Variants in GAGE12E observed in about 807,000 individuals in gnomAD.
The protein encoded by GAGE12E is G antigen 12B/C/D/E.
chrX:49,557,078 GGTTTGTTT>G (rs1337669372), intron 4 of GAGE12E, among the ~76,000 whole-genome samples: 6 of 40,084 alleles, frequency 1.5e-4, no homozygotes, highest in Admixed American at 4.7e-4. Context: ...CCCTCTTCTT[GGTTTGTTT>G]GTTTGTTTGC....
intron 4 of GAGE12E, among the ~76,000 whole-genome samples, chrX:49,557,455 G>A (rs1557129132): frequency 5.4e-5 from 3 of 55,657 alleles, no homozygotes; most frequent in African/African-American, 1.5e-4. Context: ...GTGCCATGCT[G>A]GTGCGCTGCA....
intron 4 of GAGE12E, among the ~76,000 whole-genome samples, chrX:49,557,223 C>A (rs1953111855): frequency 2.3e-5 from 1 of 43,328 alleles, no homozygotes; most frequent in African/African-American, 6.4e-5. Flanking sequence ...ACTACATGCA[C>A]AAGCCACCGT....
chrX:49,557,459 C>T (rs868935624), intron 4 of GAGE12E, among the ~76,000 whole-genome samples: 833 of 50,694 alleles, frequency 0.016, 40 homozygotes, highest in Non-Finnish European at 0.025. Flanking sequence ...CATGCTGGTG[C>T]GCTGCACCCA....
At chrX:49,557,436 T>C (rs1454933838) in intron 4 of GAGE12E, among the ~76,000 whole-genome samples, 22 of 68,608 alleles carry the variant, frequency 3.2e-4, no homozygotes, top group Admixed American at 7.2e-4. Context: ...TAGTTACATA[T>C]GTATACATGT....
chrX:49,556,884 G>A (rs2066553758), intron 4 of GAGE12E, among the ~76,000 whole-genome samples: 1 of 1,752 alleles, frequency 5.7e-4, no homozygotes, highest in Non-Finnish European at 2.4e-3. Flanking sequence ...GTGGGACACA[G>A]AGATCATCTG....
At chrX:49,557,286 T>A (rs2066555033) in intron 4 of GAGE12E, among the ~76,000 whole-genome samples, 1 of 70,878 alleles carries the variant, frequency 1.4e-5, no homozygotes, top group Admixed American at 1.4e-4. Context: ...TCTCACTGTG[T>A]TGCCCAGGCA....
At chrX:49,557,315 A>G (rs1170063604) in intron 4 of GAGE12E, among the ~76,000 whole-genome samples, 1 of 76,177 alleles carries the variant, frequency 1.3e-5, no homozygotes, top group African/African-American at 3.8e-5. Context: ...CTGGCTTTTA[A>G]TGAACAATTG....
At chrX:49,557,228 C>A (rs1557129085) in intron 4 of GAGE12E, among the ~76,000 whole-genome samples, 8 of 42,386 alleles carry the variant, frequency 1.9e-4, no homozygotes, top group African/African-American at 5.2e-4. Context: ...ATGCACAAGC[C>A]ACCGTGCCTG....
At chrX:49,557,389 C>T (rs1242344215) in intron 4 of GAGE12E, among the ~76,000 whole-genome samples, 6 of 77,732 alleles carry the variant, frequency 7.7e-5, no homozygotes, top group Non-Finnish European at 3.1e-5. Context: ...TATCATTATA[C>T]TTTAAGTTTT....
chrX:49,557,467 C>T (rs2066556379), intron 4 of GAGE12E, among the ~76,000 whole-genome samples: 2 of 46,413 alleles, frequency 4.3e-5, no homozygotes. Flanking sequence ...TGCGCTGCAC[C>T]CACTATCTCA....
chrX:49,557,517 C>T (rs2066556629), intron 4 of GAGE12E, among the ~76,000 whole-genome samples: 2 of 39,750 alleles, frequency 5.0e-5, no homozygotes, highest in Admixed American at 2.4e-4. Flanking sequence ...CTATCCCTCC[C>T]CCCTCCCCCC....
At chrX:49,557,238 G>T (rs1346875171) in intron 4 of GAGE12E, among the ~76,000 whole-genome samples, 29 of 44,208 alleles carry the variant, frequency 6.6e-4, no homozygotes, top group Non-Finnish European at 1.2e-3. Context: ...CACCGTGCCT[G>T]ACTACATTTT....
intron 4 of GAGE12E, among the ~76,000 whole-genome samples, chrX:49,557,220 G>A (rs1402986455): frequency 4.5e-5 from 2 of 43,975 alleles, no homozygotes; most frequent in African/African-American, 1.3e-4. Flanking sequence ...GGAACTACAT[G>A]CACAAGCCAC....
In GAGE12E at chrX:49,557,346, T is replaced by A. The variant is rs1274996928; in HGVS notation, c.332-1187T>A. On this transcript the variant is annotated intron_variant, in intron 4 of 4. Transcript: ENST00000381698. ...AATTGCTTCTTTTTTTTTCTTTTATTTATTTATTTATTTATTTATTTATTT... is the reference window on the plus strand; with the variant it reads ...AATTGCTTCTTTTTTTTTCTTTTATATATTTATTTATTTATTTATTTATTT... Among the ~76,000 whole-genome samples the A allele has an allele frequency of 2.5e-5, 2 of 80,744 alleles. 1 individual carries two copies. Among genetic ancestry groups the A allele is most frequent in the Admixed American group, 2.5e-4 (2 of 8,063 alleles). 70.1% of individuals were successfully genotyped at this position (80,744 alleles called of 115,157 possible).
chrX:49,557,285 G>A (rs2066555013), intron 4 of GAGE12E, among the ~76,000 whole-genome samples: 2 of 70,011 alleles, frequency 2.9e-5, no homozygotes, highest in African/African-American at 8.1e-5. Context: ...GTCTCACTGT[G>A]TTGCCCAGGC....
chrX:49,557,476 C>T (rs1424337954), intron 4 of GAGE12E, among the ~76,000 whole-genome samples: 308 of 34,733 alleles, frequency 8.9e-3, no homozygotes, highest in Middle Eastern at 0.032. Context: ...CCCACTATCT[C>T]ATCATCTAGC....
At chrX:49,557,033 T>C (rs1557129064) in intron 4 of GAGE12E, among the ~76,000 whole-genome samples, 1 of 25,660 alleles carries the variant, frequency 3.9e-5, no homozygotes, top group African/African-American at 1.1e-4. Context: ...GAGAGCTGAA[T>C]ACGTAGTGTA....
intron 4 of GAGE12E, among the ~76,000 whole-genome samples, chrX:49,557,421 C>T (rs1881119517): frequency 1.4e-5 from 1 of 69,974 alleles, no homozygotes; most frequent in Non-Finnish European, 3.4e-5. Context: ...GCACGTTGTG[C>T]AGGTTAGTTA....
chrX:49,557,341 T>G (rs2066555377), intron 4 of GAGE12E, among the ~76,000 whole-genome samples: 1 of 80,621 alleles, frequency 1.2e-5, no homozygotes, highest in African/African-American at 3.6e-5. Flanking sequence ...TTTTTTTTCT[T>G]TTATTTATTT....
Sources: gnomAD v4.1 joint callset for allele counts (sites outside exome capture counted in the v4.1 genomes callset) on GRCh38, gnomAD v4.1.1 for gene constraint, MANE v1.5 for transcripts, NCBI Gene and HGNC (gene_info 2026-07-23, HGNC 2026-07-21) for gene names.